The following STON2 variants were observed in gnomAD, a reference collection of about 807,000 sequenced individuals.
STON2 encodes stonin-2.
Under a neutral mutation model 65.7 loss-of-function variants are expected in STON2, and 29 were observed. The ratio of observed to expected loss-of-function variants is 0.44; its 90% CI spans 0.33 to 0.60. STON2 has a LOEUF of 0.60. STON2 is among the 20% of genes least tolerant of loss of function. STON2 has a pLI of 0.03. For missense variants in STON2, 1,054 were observed against 1,118.1 expected (o/e 0.94, Z 0.82); for synonymous variants, 404 against 414.2 (o/e 0.98, Z 0.30).
At chr14:81,341,775 C>A (rs572322302) in intron 4 of STON2, among the ~76,000 whole-genome samples, 1 of 152,304 alleles carries the variant, frequency 6.6e-6, no homozygotes, top group African/African-American at 2.4e-5. Flanking sequence ...AAGCTTTCAA[C>A]AAATGTCACT....
In STON2 at chr14:81,270,850, G is replaced by A; in HGVS notation, c.2604C>T (p.Phe868=). The A allele has an allele frequency of 6.2e-7, 1 of 1,613,300 alleles. No individual in the cohort carries two copies. Among genetic ancestry groups the A allele is most frequent in the South Asian group, 1.1e-5 (1 of 91,036 alleles). The change falls in exon 7 of 8, where the codon TTC becomes TTT. Residue 868 remains phenylalanine (F), a synonymous_variant. Coordinates refer to ENST00000614646, the MANE Select transcript of STON2 (RefSeq NM_001394390.1). ...CAGAGCCGAGTTCAAGGTGGCAAAA[G>A]AAACAGTGTGGGTGACCGGAAGCTA... ...KNSASGHPHC[F]FCHLELGSDR... is the part of the protein sequence containing the mutation.
At chr14:81,340,488 T>C (rs1236368599) in intron 4 of STON2, among the ~76,000 whole-genome samples, 4 of 152,106 alleles carry the variant, frequency 2.6e-5, no homozygotes, top group African/African-American at 4.8e-5. Flanking sequence ...GCCCTTAAAA[T>C]CAGGGGAGAT....
intron 5 of STON2, among the ~76,000 whole-genome samples, chr14:81,319,796 A>G (rs1160808383): frequency 6.6e-6 from 1 of 152,190 alleles, no homozygotes; most frequent in Non-Finnish European, 1.5e-5. Context: ...AATGCTGACA[A>G]TCACAAGAAT....
At chr14:81,418,249 G>C (rs1456777544) in intron 2 of STON2, 1 of 152,714 alleles carries the variant, frequency 6.5e-6, no homozygotes, top group Admixed American at 6.5e-5. Context: ...AGCAGGCAAA[G>C]AGAGAGAGCC....
chr14:81,327,698 T>C (rs769643650), intron 4 of STON2, among the ~76,000 whole-genome samples: 5 of 152,228 alleles, frequency 3.3e-5, no homozygotes, highest in African/African-American at 4.8e-5. Context: ...AATGAAAGCA[T>C]ACATTTCCCG....
chr14:81,404,332 TAAAAA>T (rs1900746577), upstream of STON2, among the ~76,000 whole-genome samples: 1 of 152,186 alleles, frequency 6.6e-6, no homozygotes, highest in Non-Finnish European at 1.5e-5. Context: ...TTAAAGAGTA[TAAAAA>T]GGTGTAAAAT....
intron 1 of STON2, among the ~76,000 whole-genome samples, chr14:81,431,161 C>T (rs74799434): frequency 0.021 from 3,148 of 152,260 alleles, 119 homozygotes; most frequent in East Asian, 0.16. Flanking sequence ...TAGTTCTAAG[C>T]TTTCTCATCC....
intron 2 of STON2, among the ~76,000 whole-genome samples, chr14:81,419,487 T>C (rs901107444): frequency 9.9e-5 from 15 of 152,218 alleles, no homozygotes; most frequent in African/African-American, 2.2e-4. Flanking sequence ...TCAGCCTCCA[T>C]AGGAACTAGT....
chr14:81,351,183 T>C (rs1423462867), intron 4 of STON2, among the ~76,000 whole-genome samples: 5 of 151,088 alleles, frequency 3.3e-5, no homozygotes, highest in Admixed American at 2.0e-4. Context: ...CTCTTCTTTT[T>C]TTTTTTTTTT....
chr14:81,425,516 G>C (rs1304766114), intron 2 of STON2, among the ~76,000 whole-genome samples: 3 of 151,954 alleles, frequency 2.0e-5, no homozygotes, highest in Admixed American at 6.6e-5. Context: ...AGATTGCAGT[G>C]AGCCAAGATC....
intron 5 of STON2, among the ~76,000 whole-genome samples, chr14:81,302,557 G>C (rs962504695): frequency 2.6e-5 from 4 of 152,224 alleles, no homozygotes; most frequent in Non-Finnish European, 5.9e-5. Context: ...TAAAGTAAGA[G>C]AATGACCATG....
In STON2 at chr14:81,370,969, G is replaced by T. The variant is rs529562025; in HGVS notation, c.571+19C>A. ...CAAAAGTGATTTGCAAAGCCCTCTGGCTTAGAGCTCCATCTTACCAGTTGA... is the reference window on the plus strand; with the variant it reads ...CAAAAGTGATTTGCAAAGCCCTCTGTCTTAGAGCTCCATCTTACCAGTTGA... On this transcript the variant is annotated intron_variant, in intron 4 of 7. Coordinates refer to ENST00000614646, the MANE Select transcript of STON2 (RefSeq NM_001394390.1). The T allele has an allele frequency of 1.3e-5, 21 of 1,610,344 alleles. No homozygotes were observed. In the South Asian group the frequency reaches 2.3e-4, roughly 18 times the overall value.
intron 5 of STON2, among the ~76,000 whole-genome samples, chr14:81,303,851 G>A (rs1041466756): frequency 1.6e-4 from 24 of 152,076 alleles, no homozygotes; most frequent in Admixed American, 4.6e-4. Flanking sequence ...GAAGTAGAAC[G>A]CATATACAGA....
intron 5 of STON2, among the ~76,000 whole-genome samples, chr14:81,317,791 C>A (rs1896680206): frequency 6.6e-6 from 1 of 152,162 alleles, no homozygotes; most frequent in African/African-American, 2.4e-5. Context: ...CATAATACCC[C>A]TCCTGGAACT....
intron 1 of STON2, among the ~76,000 whole-genome samples, chr14:81,430,913 G>C (rs781445694): frequency 1.3e-5 from 2 of 152,182 alleles, no homozygotes; most frequent in African/African-American, 2.4e-5. Flanking sequence ...TGGTTTAAGT[G>C]TCCCTTCTCT....
At chr14:81,327,555 A>G (rs539098356) in intron 4 of STON2, among the ~76,000 whole-genome samples, 1 of 152,154 alleles carries the variant, frequency 6.6e-6, no homozygotes, top group Non-Finnish European at 1.5e-5. Flanking sequence ...AAGTTCTGGT[A>G]TTTGTGCACT....
At chr14:81,333,283 C>T (rs141956940) in intron 4 of STON2, 14 of 688,356 alleles carry the variant, frequency 2.0e-5, no homozygotes, top group African/African-American at 1.6e-4. Flanking sequence ...GGGTGAAGGA[C>T]GTCAATGACC....
chr14:81,426,706 G>A (rs948869036), intron 2 of STON2, among the ~76,000 whole-genome samples: 2 of 152,044 alleles, frequency 1.3e-5, no homozygotes, highest in East Asian at 1.9e-4. Flanking sequence ...TTGTCTTCTC[G>A]CTTCCTCTGA....
chr14:81,326,864 G>A (rs1363909069), intron 4 of STON2, among the ~76,000 whole-genome samples: 2 of 152,176 alleles, frequency 1.3e-5, no homozygotes, highest in African/African-American at 4.8e-5. Context: ...GACATTACTT[G>A]GGACCTTAGA....
Sources: gnomAD v4.1 joint callset for allele counts (sites outside exome capture counted in the v4.1 genomes callset) on GRCh38, gnomAD v4.1.1 for gene constraint, MANE v1.5 for transcripts, NCBI Gene and HGNC (gene_info 2026-07-23, HGNC 2026-07-21) for gene names.